The following MIPOL1 variants were observed in gnomAD, a reference collection of about 807,000 sequenced individuals.
MIPOL1 encodes mirror-image polydactyly 1, also known as mirror-image polydactyly gene 1 protein.
A neutral mutation model predicts 60.9 loss-of-function variants in MIPOL1; 57 were observed. The observed-to-expected ratio is 0.94, with a 90% confidence interval of 0.76 to 1.17. The LOEUF is 1.17. Ranked by LOEUF, MIPOL1 falls within the 50% of genes most tolerant of loss-of-function variation. MIPOL1 has a pLI of 0.00. For synonymous variants in MIPOL1, 179 were observed against 168.8 expected, an observed-to-expected ratio of 1.06 and a Z score of -0.47; for missense variants, 551 against 511.6, an observed-to-expected ratio of 1.08 and a Z score of -0.74.
chr14:37,234,194 G>A (rs937924432), intron 1 of MIPOL1, among the ~76,000 whole-genome samples: 6 of 152,090 alleles, frequency 3.9e-5, no homozygotes, highest in African/African-American at 1.2e-4. Context: ...CCATTGAGAC[G>A]TCTGTGGTGT....
intron 11 of MIPOL1, among the ~76,000 whole-genome samples, chr14:37,498,448 G>A (rs774049881): frequency 6.6e-6 from 1 of 151,818 alleles, no homozygotes; most frequent in Non-Finnish European, 1.5e-5. Context: ...AGATAAAGAG[G>A]GTGAGCTGAA....
chr14:37,437,212 G>C (rs1031121985), intron 11 of MIPOL1, among the ~76,000 whole-genome samples: 2 of 152,006 alleles, frequency 1.3e-5, no homozygotes, highest in Non-Finnish European at 2.9e-5. Flanking sequence ...AAAACTTCCT[G>C]GTTCTGATTG....
chr14:37,491,840 C>A (rs988119105), intron 11 of MIPOL1, among the ~76,000 whole-genome samples: 1 of 152,160 alleles, frequency 6.6e-6, no homozygotes, highest in Non-Finnish European at 1.5e-5. Flanking sequence ...GGAAGCAAAT[C>A]ATTGAAGTTA....
At chr14:37,354,491 A>C (rs1287237147) in intron 9 of MIPOL1, among the ~76,000 whole-genome samples, 3 of 47,216 alleles carry the variant, frequency 6.4e-5, no homozygotes. Flanking sequence ...TGATCTGTCT[A>C]ATGTTGACAG....
intron 9 of MIPOL1, among the ~76,000 whole-genome samples, chr14:37,343,358 T>C (rs1468010890): frequency 1.3e-5 from 2 of 152,168 alleles, no homozygotes; most frequent in African/African-American, 4.8e-5. Flanking sequence ...TTTCTACATC[T>C]AAAATGGAGT....
chr14:37,321,445 AG>A (rs1444922018), intron 9 of MIPOL1, among the ~76,000 whole-genome samples: 2 of 151,982 alleles, frequency 1.3e-5, no homozygotes, highest in Non-Finnish European at 2.9e-5. Context: ...CCTGGTGGTG[AG>A]AAAATATAAG....
At chr14:37,476,805 T>C (rs566974837) in intron 11 of MIPOL1, among the ~76,000 whole-genome samples, 3 of 152,178 alleles carry the variant, frequency 2.0e-5, no homozygotes, top group East Asian at 3.9e-4. Context: ...TAATTCCTTA[T>C]ATATTTTGTT....
chr14:37,242,051 C>T (rs1263815601), intron 1 of MIPOL1, among the ~76,000 whole-genome samples: 1 of 150,470 alleles, frequency 6.6e-6, no homozygotes, highest in Non-Finnish European at 1.5e-5. Flanking sequence ...TCAAGGGTGT[C>T]ATGAAGATCA....
chr14:37,350,869 G>C (rs150642221), intron 9 of MIPOL1, among the ~76,000 whole-genome samples: 2 of 152,212 alleles, frequency 1.3e-5, no homozygotes, highest in Non-Finnish European at 2.9e-5. Context: ...TTAACATAAT[G>C]ATCTCCAGTT....
Position 37,303,139 on chromosome 14 carries a change from A to G in MIPOL1, c.624-4917A>G, listed in dbSNP as rs879501538. On this transcript the variant is annotated intron_variant, in intron 7 of 12. Coordinates refer to ENST00000684589, the MANE Select transcript of MIPOL1 (RefSeq NM_001388067.1). ...AAAATCAAATTGACCTCCAAAAGAC[A>G]ACAAATCAATTTTTCATAAAATGTC... Among the ~76,000 whole-genome samples, 5 of 151,944 alleles carry G rather than the reference A, an allele frequency of 3.3e-5. 1 individual carries two copies. Among genetic ancestry groups the G allele is most frequent in the African/African-American group, 4.8e-5 (2 of 41,434 alleles).
At chr14:37,350,434 T>C (rs893449889) in intron 9 of MIPOL1, among the ~76,000 whole-genome samples, 1 of 152,020 alleles carries the variant, frequency 6.6e-6, no homozygotes, top group Non-Finnish European at 1.5e-5. Context: ...TTTTACTTTA[T>C]GTATTTAACA....
chr14:37,409,378 A>G (rs2093643879), intron 10 of MIPOL1, among the ~76,000 whole-genome samples: 1 of 152,178 alleles, frequency 6.6e-6, no homozygotes, highest in Non-Finnish European at 1.5e-5. Context: ...TTTCTAGGAA[A>G]CATTAGGCAA....
At chr14:37,428,659 ATCT>A (rs2094008309) in intron 11 of MIPOL1, among the ~76,000 whole-genome samples, 3 of 142,850 alleles carry the variant, frequency 2.1e-5, no homozygotes, top group African/African-American at 5.1e-5. Context: ...TTTTCCAAAA[ATCT>A]TTTTTTTTTT....
At position 37,422,898 on chromosome 14, in the gene MIPOL1, A is replaced by G; in HGVS notation, c.980A>G (p.Gln327Arg). The G allele has an allele frequency of 6.2e-7, 1 of 1,609,696 alleles. No individual in the cohort carries two copies. The highest frequency in any genetic ancestry group is 2.2e-5 in the East Asian group (1 of 44,626). ...CAACAAGCCAGAGAAACTGCAGTTC[A>G]ACAGTACAAAAAACTGGAAGAGGAA... ...SMQQARETAV[Q>R]QYKKLEEEIQ... The change falls in exon 11 of 13, where the codon CAA (glutamine) becomes CGA (arginine). Residue 327 changes from glutamine (Q) to arginine (R), a missense_variant. Coordinates refer to ENST00000684589, the MANE Select transcript of MIPOL1 (RefSeq NM_001388067.1).
At chr14:37,516,145 G>T (rs547513018) in intron 12 of MIPOL1, among the ~76,000 whole-genome samples, 2 of 152,154 alleles carry the variant, frequency 1.3e-5, no homozygotes, top group East Asian at 3.9e-4. Flanking sequence ...TTATAAAATG[G>T]CACTTTGGTG....
intron 12 of MIPOL1, among the ~76,000 whole-genome samples, chr14:37,514,034 C>T (rs2095349989): frequency 6.6e-6 from 1 of 152,060 alleles, no homozygotes; most frequent in East Asian, 1.9e-4. Context: ...TTACAGAATC[C>T]ACTTACGATG....
intron 9 of MIPOL1, among the ~76,000 whole-genome samples, chr14:37,313,013 A>G (rs919169191): frequency 2.0e-5 from 3 of 152,204 alleles, no homozygotes; most frequent in African/African-American, 4.8e-5. Context: ...CTTAGGAGCC[A>G]TCTAGTTAAA....
intron 1 of MIPOL1, among the ~76,000 whole-genome samples, chr14:37,244,206 G>A (rs1478994021): frequency 1.6e-5 from 2 of 126,280 alleles, no homozygotes; most frequent in African/African-American, 6.0e-5. Flanking sequence ...TGCAGTCTCC[G>A]CCTCTCGGGT....
chr14:37,377,742 A>G (rs1424468668), intron 10 of MIPOL1, among the ~76,000 whole-genome samples: 1 of 100,490 alleles, frequency 1.0e-5, no homozygotes, highest in African/African-American at 3.8e-5. Flanking sequence ...TCCTATTTTT[A>G]TGCCTTTTTT....
Sources: gnomAD v4.1 joint callset for allele counts (sites outside exome capture counted in the v4.1 genomes callset) on GRCh38, gnomAD v4.1.1 for gene constraint, MANE v1.5 for transcripts, NCBI Gene and HGNC (gene_info 2026-07-23, HGNC 2026-07-21) for gene names.